PDE4D: variants seen among roughly 807,000 people sequenced by gnomAD.
The protein encoded by PDE4D is phosphodiesterase 4D, also known as 3',5'-cyclic-AMP phosphodiesterase 4D.
PDE4D carries 24 observed loss-of-function variants against 87.4 expected under a neutral mutation model. That is an observed-to-expected ratio of 0.27 (90% CI 0.20 to 0.39). PDE4D has a LOEUF of 0.39. Among genes scored for constraint, PDE4D ranks in the 10% least tolerant of loss-of-function variants. The pLI is 1.00. For synonymous variants in PDE4D, 384 were observed against 383.2 expected, an observed-to-expected ratio of 1.00 and a Z score of -0.02; for missense variants, 714 against 1,041.0, an observed-to-expected ratio of 0.69 and a Z score of 4.32.
chr5:60,016,378 G>A (rs1445181912), intron 2 of PDE4D, among the ~76,000 whole-genome samples: 1 of 152,128 alleles, frequency 6.6e-6, no homozygotes, highest in Non-Finnish European at 1.5e-5. Context: ...GGTGGTAGCT[G>A]ATGACTGATC....
intron 1 of PDE4D, among the ~76,000 whole-genome samples, chr5:59,892,350 T>C (rs79977582): frequency 1.3e-5 from 2 of 152,108 alleles, no homozygotes; most frequent in Non-Finnish European, 2.9e-5. Flanking sequence ...ATCACTATAA[T>C]CAAATCTCTA....
chr5:59,099,813 G>A (rs988936586), intron 5 of PDE4D, among the ~76,000 whole-genome samples: 7 of 151,858 alleles, frequency 4.6e-5, no homozygotes, highest in South Asian at 2.1e-4. Context: ...TCTCTTCTTC[G>A]ATTATGGCCA....
At chr5:60,363,408 CAA>C (rs1485570715) in intron 1 of PDE4D, among the ~76,000 whole-genome samples, 2 of 152,152 alleles carry the variant, frequency 1.3e-5, no homozygotes, top group Non-Finnish European at 2.9e-5. Context: ...ACATACCAAT[CAA>C]GAGTCAAACA....
chr5:60,296,298 G>A (rs983818929), intron 1 of PDE4D, among the ~76,000 whole-genome samples: 6 of 152,206 alleles, frequency 3.9e-5, no homozygotes, highest in Admixed American at 6.5e-5. Context: ...AAGTATTCTT[G>A]GGCCTCTAGG....
intron 1 of PDE4D, among the ~76,000 whole-genome samples, chr5:59,610,598 C>T (rs1053328083): frequency 7.2e-5 from 11 of 152,122 alleles, no homozygotes; most frequent in African/African-American, 2.2e-4. Flanking sequence ...AGCTTAGTGG[C>T]TTACAATTCA....
rs560010125 is a variant in PDE4D, at chr5:59,202,340, C to T, written c.648-8804G>A. ...CAGGCATGATCCACAGCGCCTCGCC[C>T]GTTTTGATCATTTTAAATATTTTGA... On this transcript the variant is annotated intron_variant, in intron 2 of 14. Transcript: ENST00000340635. Among the ~76,000 whole-genome samples, 22 of 151,882 alleles carry T rather than the reference C, an allele frequency of 1.4e-4. No individual in the cohort carries two copies. The South Asian group carries it at 2.7e-3, about 19-fold the overall frequency.
chr5:59,777,341 C>T (rs1043242205), intron 1 of PDE4D, among the ~76,000 whole-genome samples: 6 of 152,122 alleles, frequency 3.9e-5, no homozygotes, highest in Non-Finnish European at 7.4e-5. Context: ...GGGATGGGGC[C>T]ATGCCTCTAA....
intron 1 of PDE4D, among the ~76,000 whole-genome samples, chr5:59,320,416 G>A (rs1200305009): frequency 1.3e-5 from 2 of 151,994 alleles, no homozygotes; most frequent in Non-Finnish European, 2.9e-5. Context: ...ATAGAACCCT[G>A]TATTTTCATA....
chr5:59,661,074 T>TTTTA (rs1554054981), intron 1 of PDE4D, among the ~76,000 whole-genome samples: 3 of 140,072 alleles, frequency 2.1e-5, no homozygotes, highest in Middle Eastern at 3.7e-3. Context: ...CATGATAATA[T>TTTTA]TATATATATA....
rs1447010424 is a variant in PDE4D, at chr5:59,048,368, T to A, written c.809-9397A>T. Among the ~76,000 whole-genome samples, 13 of 152,268 alleles carry A rather than the reference T, an allele frequency of 8.5e-5. 1 individual carries two copies. The highest frequency in any genetic ancestry group is 8.5e-4 in the Admixed American group (13 of 15,288). ...CTATCAATCTTAGGATATAACAGTC[T>A]TTTGTTCTTCACCTTTGTCAATTAC... is the stretch of plus-strand genomic sequence containing the variant. On this transcript the variant is annotated intron_variant, in intron 5 of 14. Transcript: ENST00000340635.
chr5:59,034,095 A>AT (rs1294192209), intron 6 of PDE4D, among the ~76,000 whole-genome samples: 3 of 152,122 alleles, frequency 2.0e-5, no homozygotes, highest in African/African-American at 7.2e-5. Context: ...CAAAGAAAGT[A>AT]TTTTTTCTAA....
At chr5:60,477,288 A>G (rs1748404059) in intron 1 of PDE4D, among the ~76,000 whole-genome samples, 1 of 152,190 alleles carries the variant, frequency 6.6e-6, no homozygotes, top group Non-Finnish European at 1.5e-5. Context: ...AAAAAGAACC[A>G]ACTTCATTAT....
intron 2 of PDE4D, among the ~76,000 whole-genome samples, chr5:60,090,480 C>A (rs1481031450): frequency 6.6e-6 from 1 of 152,142 alleles, no homozygotes; most frequent in Non-Finnish European, 1.5e-5. Flanking sequence ...ATTTGACATT[C>A]CTTCATGATA....
At chr5:59,982,681 G>A (rs1383078573) in intron 3 of PDE4D, among the ~76,000 whole-genome samples, 2 of 152,160 alleles carry the variant, frequency 1.3e-5, no homozygotes, top group Non-Finnish European at 2.9e-5. Flanking sequence ...CAAGACATGT[G>A]TGCGGGAAGA....
At chr5:59,628,576 A>AG (rs1831179374) in intron 1 of PDE4D, among the ~76,000 whole-genome samples, 1 of 152,218 alleles carries the variant, frequency 6.6e-6, no homozygotes, top group Non-Finnish European at 1.5e-5. Context: ...CCTAACCTCA[A>AG]GCCAGAGGTT....
chr5:59,352,433 C>T (rs1439935364), intron 1 of PDE4D, among the ~76,000 whole-genome samples: 1 of 152,124 alleles, frequency 6.6e-6, no homozygotes, highest in Non-Finnish European at 1.5e-5. Flanking sequence ...AAAGTTACAT[C>T]CCAGTGTATT....
At chr5:60,229,170 A>G (rs750673559) in intron 1 of PDE4D, among the ~76,000 whole-genome samples, 3 of 152,134 alleles carry the variant, frequency 2.0e-5, no homozygotes, top group Non-Finnish European at 4.4e-5. Flanking sequence ...TAAGACTATA[A>G]TTTAATAGTA....
intron 1 of PDE4D, among the ~76,000 whole-genome samples, chr5:60,495,128 T>G (rs1238750851): frequency 6.6e-6 from 1 of 152,208 alleles, no homozygotes; most frequent in African/African-American, 2.4e-5. Flanking sequence ...TCACATATAG[T>G]GCCTCAAAAG....
chr5:60,145,531 G>A (rs1438481656), intron 2 of PDE4D, among the ~76,000 whole-genome samples: 1 of 152,094 alleles, frequency 6.6e-6, no homozygotes, highest in African/African-American at 2.4e-5. Context: ...CACAAACCTT[G>A]TTTGACCCAA....
Sources: gnomAD v4.1 joint callset for allele counts (sites outside exome capture counted in the v4.1 genomes callset) on GRCh38, gnomAD v4.1.1 for gene constraint, MANE v1.5 for transcripts, NCBI Gene and HGNC (gene_info 2026-07-23, HGNC 2026-07-21) for gene names.